Variants in RNF17 observed in about 807,000 individuals in gnomAD.
RNF17 encodes spermatogenesis associated 23.
In RNF17, 31 loss-of-function variants were observed where a neutral mutation model predicts 200.5. That is an observed-to-expected ratio of 0.15 (90% CI 0.12 to 0.21). The LOEUF (loss-of-function observed/expected upper bound fraction) is 0.21, where lower values mean the gene tolerates loss of function less well. Among genes scored for constraint, RNF17 ranks in the 10% least tolerant of loss-of-function variants. RNF17 has a pLI of 1.00. For missense variants in RNF17, 1,628 were observed against 1,905.1 expected (o/e 0.85, Z 2.71); for synonymous variants, 606 against 637.8 (o/e 0.95, Z 0.75).
chr13:24,802,340 A>G (rs1375901766), intron 13 of RNF17, 41 bp from the exon 14 acceptor site: 1 of 1,504,060 alleles, frequency 6.6e-7, no homozygotes, highest in South Asian at 1.3e-5. Context: ...CATTAGCGAT[A>G]CTTACAATTA....
At chr13:24,802,033 C>T (rs1280199023) in intron 13 of RNF17, among the ~76,000 whole-genome samples, 3 of 152,012 alleles carry the variant, frequency 2.0e-5, no homozygotes, top group Non-Finnish European at 2.9e-5. Context: ...GTCGCCCAGG[C>T]TGGAGTGCAG....
the RNF17 span, chr13:24,885,786 TA>T: frequency 1.3e-6 from 1 of 749,326 alleles, no homozygotes; most frequent in African/African-American, 1.8e-5. Context: ...ATCCATTAGT[TA>T]AGGATGTCTT....
At chr13:24,799,652 A>G in intron 12 of RNF17, 68 bp downstream of exon 12, 2 of 952,720 alleles carry the variant, frequency 2.1e-6, no homozygotes, top group Non-Finnish European at 1.6e-6. Context: ...GGAGTTAAAG[A>G]ATAAAGGAAA....
chr13:24,794,904 G>T (rs1884363130), intron 10 of RNF17, among the ~76,000 whole-genome samples: 1 of 152,116 alleles, frequency 6.6e-6, no homozygotes, highest in South Asian at 2.1e-4. Context: ...TTTTAGTAGA[G>T]ATGAGGTTTC....
intron 28 of RNF17, 119 bp from the exon 29 acceptor site, chr13:24,864,754 T>C: frequency 1.4e-6 from 1 of 722,382 alleles, no homozygotes; most frequent in Non-Finnish European, 2.3e-6. Context: ...AATGAGTCAC[T>C]AGCCAAACTG....
intron 11 of RNF17, among the ~76,000 whole-genome samples, chr13:24,797,090 T>C (rs1465155778): frequency 2.0e-5 from 3 of 152,192 alleles, no homozygotes; most frequent in Non-Finnish European, 4.4e-5. Flanking sequence ...ATTTATGCTA[T>C]GTGAGCTGGG....
At chr13:24,830,382 G>C (rs1227343394) in intron 16 of RNF17, 102 bp from the exon 17 acceptor site, 1 of 657,992 alleles carries the variant, frequency 1.5e-6, no homozygotes, top group African/African-American at 1.8e-5. Context: ...TTTGTATATT[G>C]AAGCTAAAAG....
intron 18 of RNF17, among the ~76,000 whole-genome samples, chr13:24,841,212 A>G (rs1423643922): frequency 1.3e-5 from 2 of 152,246 alleles, no homozygotes; most frequent in African/African-American, 2.4e-5. Flanking sequence ...TCTGATAAAC[A>G]GAATTAAAAG....
chr13:24,789,274 C>T (rs1216780720), intron 7 of RNF17, 74 bp from the exon 8 acceptor site: 2 of 1,013,246 alleles, frequency 2.0e-6, no homozygotes. Context: ...ATACAGTTTT[C>T]TTTCTAAAAT....
At chr13:24,834,822 C>T (rs755489410) in intron 18 of RNF17, among the ~76,000 whole-genome samples, 4 of 152,186 alleles carry the variant, frequency 2.6e-5, no homozygotes, top group Non-Finnish European at 2.9e-5. Context: ...TGAGAAGCCT[C>T]CTGGCCAGAA....
chr13:24,791,823 G>A (rs554626520), intron 9 of RNF17, among the ~76,000 whole-genome samples: 2 of 152,266 alleles, frequency 1.3e-5, no homozygotes, highest in African/African-American at 4.8e-5. Context: ...TAACTTAATG[G>A]ATAAATATAA....
At chr13:24,827,698 T>A (rs1888848921) in intron 16 of RNF17, among the ~76,000 whole-genome samples, 1 of 25,786 alleles carries the variant, frequency 3.9e-5, no homozygotes, top group African/African-American at 1.5e-4. Flanking sequence ...CGAGACTCCG[T>A]CTCAAAAAAA....
intron 15 of RNF17, among the ~76,000 whole-genome samples, chr13:24,811,379 C>A (rs531838734): frequency 6.6e-6 from 1 of 152,196 alleles, no homozygotes; most frequent in African/African-American, 2.4e-5. Context: ...CTTCTCGCTT[C>A]ATTTCATTCA....
intron 32 of RNF17, among the ~76,000 whole-genome samples, chr13:24,872,605 A>G (rs1363327345): frequency 1.3e-5 from 2 of 152,146 alleles, no homozygotes; most frequent in African/African-American, 2.4e-5. Context: ...TTCTGCACTC[A>G]AGAACAGGTG....
chr13:24,804,077 C>A (rs554822594), intron 14 of RNF17, among the ~76,000 whole-genome samples: 1 of 152,200 alleles, frequency 6.6e-6, no homozygotes, highest in Admixed American at 6.5e-5. Context: ...TCAGGGTCAA[C>A]CTGGGCAATG....
rs1314891162 is a variant in RNF17 at position 24,825,644 on chromosome 13, T to C, written c.2117T>C (p.Leu706Pro). 3 of 1,601,078 alleles carry C rather than the reference T, an allele frequency of 1.9e-6. No individual in the cohort carries two copies. The East Asian group carries it at 6.7e-5, about 36-fold the overall frequency. The change falls in exon 16 of 36, where the codon CTA becomes CCA. Residue 706 changes from leucine to proline, a missense_variant. Around this residue, in one of 5 missense-constraint regions of RNF17, gnomAD observed 289 missense variants for 384.9 expected, o/e 0.75. Transcript: ENST00000255324. ...QLIEGLDILFLLKTIEEFYKS... is the reference protein window; with the variant it reads ...QLIEGLDILFPLKTIEEFYKS... ...ATAGAGGGCCTGGATATTTTATTTC[T>C]ATTAAAGACAATCGAGGAATTCTAT... is the stretch of plus-strand genomic sequence containing the variant.
intron 25 of RNF17, among the ~76,000 whole-genome samples, chr13:24,856,551 A>T (rs1892525284): frequency 6.6e-6 from 1 of 152,052 alleles, no homozygotes; most frequent in African/African-American, 2.4e-5. Context: ...TTGATTTTTC[A>T]GTAGGTAAGA....
intron 25 of RNF17, among the ~76,000 whole-genome samples, chr13:24,856,540 A>G (rs1892524288): frequency 6.6e-6 from 1 of 152,152 alleles, no homozygotes; most frequent in African/African-American, 2.4e-5. Flanking sequence ...CTATCCCAGA[A>G]TTGATTTTTC....
the RNF17 span, chr13:24,885,614 T>A: frequency 6.2e-7 from 1 of 1,608,396 alleles, no homozygotes. Context: ...ACTTGTCCCT[T>A]ATCCAAATTG....
Sources: gnomAD v4.1 joint callset for allele counts (sites outside exome capture counted in the v4.1 genomes callset) on GRCh38, gnomAD v4.1.1 for gene constraint, gnomAD v4.1.1 regional missense constraint, MANE v1.5 for transcripts, NCBI Gene and HGNC (gene_info 2026-07-23, HGNC 2026-07-21) for gene names.